The following PSPH variants were observed in gnomAD, a reference collection of about 807,000 sequenced individuals.
PSPH encodes the protein L-3-phosphoserine phosphatase.
PSPH carries 16 observed loss-of-function variants against 23.4 expected under a neutral mutation model. The ratio of observed to expected loss-of-function variants is 0.68; its 90% confidence interval spans 0.46 to 1.04. PSPH has a LOEUF of 1.04. Among genes scored for constraint, PSPH ranks in the 50% least tolerant of loss-of-function variants. PSPH has a pLI of 0.00. For missense variants in PSPH, 223 were observed against 273.7 expected, an observed-to-expected ratio of 0.81 and a Z score of 1.31; for synonymous variants, 68 against 99.7, an observed-to-expected ratio of 0.68 and a Z score of 1.89.
Position 56,041,493 on chromosome 7 carries a change from G to A in PSPH, c.-291-7387C>T, listed in dbSNP as rs544391438. ...CCCGAAGTGCTGGGATTACAGGCATGAGCCACCTAGTCTGGCCTGGAGACA... is the reference window on the plus strand; with the variant it reads ...CCCGAAGTGCTGGGATTACAGGCATAAGCCACCTAGTCTGGCCTGGAGACA... On this transcript the variant is annotated intron_variant, in intron 1 of 7. Transcript: ENST00000275605. 1.7e-4 allele frequency among the ~76,000 whole-genome samples: 26 copies of A among 152,010 alleles called. No homozygotes were observed. In the East Asian group the frequency reaches 4.5e-3, roughly 26 times the overall value.
In PSPH at chr7:56,025,922, C is replaced by T. The variant is rs78647128; in HGVS notation, c.-19-4691G>A. Among the ~76,000 whole-genome samples the T allele has an allele frequency of 9.4e-3, 1,422 of 152,070 alleles. 21 individuals carry two copies. Among genetic ancestry groups the T allele is most frequent in the African/African-American group, 0.032 (1,319 of 41,492 alleles). ...TGTCATGTGTTTTTTTATTCCTCTACACCATTTCAAATGCTGCTCCTCTGC... is the reference window on the plus strand; with the variant it reads ...TGTCATGTGTTTTTTTATTCCTCTATACCATTTCAAATGCTGCTCCTCTGC... On this transcript the variant is annotated intron_variant, in intron 3 of 7. Coordinates refer to ENST00000275605, the MANE Select transcript of PSPH (RefSeq NM_004577.4).
At chr7:56,034,382 A>G (rs556326117) in intron 1 of PSPH, among the ~76,000 whole-genome samples, 2 of 152,300 alleles carry the variant, frequency 1.3e-5, no homozygotes, top group South Asian at 2.1e-4. Context: ...GGATAAGGAT[A>G]GGTGAGGGAA....
At position 56,017,316 on chromosome 7, in the gene PSPH, C is replaced by T. The variant is rs2116568145; in HGVS notation, c.339G>A (p.Arg113=). 4 of 1,613,318 alleles carry T rather than the reference C, an allele frequency of 2.5e-6. No homozygotes were observed. Among genetic ancestry groups the T allele is most frequent in the South Asian group, 1.1e-5 (1 of 91,046 alleles). ...TTGAAGCAACATGCTCTACAATACTCCTAAAGCCACCAGATATTAGGAAAA... is the reference window on the plus strand; with the variant it reads ...TTGAAGCAACATGCTCTACAATACTTCTAAAGCCACCAGATATTAGGAAAA... ...VQVFLISGGF[R]SIVEHVASKL... Residue 113 remains arginine, a synonymous_variant, in exon 6 of 8, where the codon AGG becomes AGA. Coordinates refer to ENST00000275605, the MANE Select transcript of PSPH (RefSeq NM_004577.4).
At chr7:56,041,134 C>A (rs1270083722) in intron 1 of PSPH, among the ~76,000 whole-genome samples, 1 of 151,474 alleles carries the variant, frequency 6.6e-6, no homozygotes, top group South Asian at 2.1e-4. Context: ...GAGGCCAAGG[C>A]GAGAGGATTG....
At chr7:56,045,164 C>T (rs1270988369) in intron 1 of PSPH, among the ~76,000 whole-genome samples, 1 of 151,524 alleles carries the variant, frequency 6.6e-6, no homozygotes, top group Non-Finnish European at 1.5e-5. Context: ...AGGGAAAGTT[C>T]TTCCTTACAG....
At chr7:56,034,577 A>G (rs540004260) in intron 1 of PSPH, among the ~76,000 whole-genome samples, 20 of 151,984 alleles carry the variant, frequency 1.3e-4, no homozygotes, top group Non-Finnish European at 2.6e-4. Flanking sequence ...GTGCAGTGGC[A>G]CGATCTCGGC....
intron 1 of PSPH, among the ~76,000 whole-genome samples, chr7:56,034,975 G>A (rs535613998): frequency 2.8e-4 from 42 of 152,148 alleles, no homozygotes; most frequent in African/African-American, 8.4e-4. Context: ...GGGCTCAAGC[G>A]ATCCTTCCTC....
At chr7:56,050,966 C>T (rs1026242329) in intron 1 of PSPH, among the ~76,000 whole-genome samples, 172 bp downstream of exon 1, 4 of 152,236 alleles carry the variant, frequency 2.6e-5, no homozygotes, top group Non-Finnish European at 5.9e-5. Flanking sequence ...ATCACTTGAA[C>T]TCAGGAGTAT....
intron 2 of PSPH, among the ~76,000 whole-genome samples, chr7:56,032,454 A>G (rs952035915): frequency 1.3e-5 from 2 of 151,796 alleles, no homozygotes; most frequent in East Asian, 1.9e-4. Flanking sequence ...AGGTCAGATC[A>G]GGACCATCCT....
At chr7:56,019,344 CAGG>C (rs780040729) in intron 5 of PSPH, among the ~76,000 whole-genome samples, 24 of 151,856 alleles carry the variant, frequency 1.6e-4, no homozygotes, top group Non-Finnish European at 3.1e-4. Context: ...GAGGCTGAGG[CAGG>C]AGAATTGCAT....
intron 6 of PSPH, among the ~76,000 whole-genome samples, chr7:56,016,469 A>G (rs926824424): frequency 5.9e-5 from 9 of 151,604 alleles, no homozygotes; most frequent in African/African-American, 1.9e-4. Context: ...CTGAGATAAT[A>G]TAACAGCTGT....
intron 1 of PSPH, among the ~76,000 whole-genome samples, chr7:56,049,115 G>A (rs1404502453): frequency 4.6e-5 from 7 of 150,720 alleles, no homozygotes; most frequent in Non-Finnish European, 3.0e-5. Context: ...TAGTAGAGAC[G>A]AGGTTTCACC....
At chr7:56,015,407 G>A (rs1562783650) in intron 6 of PSPH, among the ~76,000 whole-genome samples, 1 of 152,068 alleles carries the variant, frequency 6.6e-6, no homozygotes, top group Non-Finnish European at 1.5e-5. Context: ...TTGGTATGTT[G>A]CCCAGGTTGG....
chr7:56,046,923 C>T (rs1793328007), intron 1 of PSPH, among the ~76,000 whole-genome samples: 1 of 151,606 alleles, frequency 6.6e-6, no homozygotes, highest in Non-Finnish European at 1.5e-5. Flanking sequence ...GAAACATTAA[C>T]TTGTCTCTGA....
At chr7:56,040,085 C>A (rs35058595) in intron 1 of PSPH, among the ~76,000 whole-genome samples, 2,705 of 145,480 alleles carry the variant, frequency 0.019, 53 homozygotes, top group Admixed American at 0.051. Flanking sequence ...GGTGACAGAG[C>A]AAGACTCCAT....
intron 3 of PSPH, among the ~76,000 whole-genome samples, chr7:56,030,041 AGAG>A (rs201337309): frequency 0.021 from 3,127 of 151,780 alleles, 37 homozygotes; most frequent in Non-Finnish European, 0.033. Flanking sequence ...GTTCTGAATC[AGAG>A]GAGAGTCAAA....
chr7:56,033,675 C>A (rs1791343179), intron 2 of PSPH, among the ~76,000 whole-genome samples: 1 of 152,240 alleles, frequency 6.6e-6, no homozygotes, highest in South Asian at 2.1e-4. Context: ...AAGTCGGACA[C>A]TTCAACTCTG....
intron 3 of PSPH, among the ~76,000 whole-genome samples, chr7:56,024,800 A>T (rs1408974585): frequency 7.4e-6 from 1 of 134,232 alleles, no homozygotes. Context: ...GTCTATTAAT[A>T]AATCTTTTTT....
chr7:56,031,007 C>A (rs576260737), intron 3 of PSPH, among the ~76,000 whole-genome samples: 1 of 150,616 alleles, frequency 6.6e-6, no homozygotes, highest in Admixed American at 6.6e-5. Flanking sequence ...GTCAGGAGAT[C>A]GAGACCATCC....
Sources: gnomAD v4.1 joint callset for allele counts (sites outside exome capture counted in the v4.1 genomes callset) on GRCh38, gnomAD v4.1.1 for gene constraint, MANE v1.5 for transcripts, NCBI Gene and HGNC (gene_info 2026-07-23, HGNC 2026-07-21) for gene names.